Variants in PCCA observed in about 807,000 individuals in gnomAD.
PCCA encodes the protein propionyl-CoA carboxylase subunit alpha, also known as propionyl-CoA carboxylase alpha chain, mitochondrial.
PCCA carries 74 observed loss-of-function variants against 101.3 expected under a neutral mutation model. That is an observed-to-expected ratio of 0.73 (90% CI 0.61 to 0.89). The LOEUF (loss-of-function observed/expected upper bound fraction) is 0.89, where lower values mean the gene tolerates loss of function less well. Ranked by LOEUF, PCCA falls within the 40% of genes least tolerant of loss-of-function variation. The pLI, the probability that PCCA is intolerant of heterozygous loss-of-function variation, is 0.00. For synonymous variants in PCCA, 294 were observed against 313.6 expected, an observed-to-expected ratio of 0.94 and a Z score of 0.66; for missense variants, 891 against 907.0, an observed-to-expected ratio of 0.98 and a Z score of 0.23.
At chr13:100,271,596 A>G (rs1001171789) in intron 11 of PCCA, among the ~76,000 whole-genome samples, 2 of 152,230 alleles carry the variant, frequency 1.3e-5, no homozygotes, top group Non-Finnish European at 2.9e-5. Flanking sequence ...GAGTCTTAAG[A>G]TACAAAAGCC....
chr13:100,110,288 G>T (rs568646875), intron 2 of PCCA, among the ~76,000 whole-genome samples: 114 of 152,196 alleles, frequency 7.5e-4, no homozygotes, highest in African/African-American at 2.7e-3. Context: ...AGAAATTACC[G>T]TGTGCTAATG....
chr13:100,291,447 T>C (rs901095499), intron 12 of PCCA, among the ~76,000 whole-genome samples: 21 of 152,224 alleles, frequency 1.4e-4, no homozygotes, highest in African/African-American at 5.1e-4. Context: ...CACATGCACA[T>C]ATGTGCATTG....
intron 19 of PCCA, among the ~76,000 whole-genome samples, chr13:100,400,630 C>CTTTTTTTTTTTTTTTTTTTTTTTTTT (rs1281449669): frequency 1.1e-5 from 1 of 90,976 alleles, no homozygotes; most frequent in African/African-American, 5.4e-5. Flanking sequence ...CTTTTTAGTT[C>CTTTTTTTTTTTTTTTTTTTTTTTTTT]TTTTTTTTTT....
At chr13:100,514,351 A>G (rs1275509606) in intron 21 of PCCA, among the ~76,000 whole-genome samples, 1 of 152,154 alleles carries the variant, frequency 6.6e-6, no homozygotes, top group African/African-American at 2.4e-5. Context: ...GTCCCCATGC[A>G]GAATTAAAGG....
At chr13:100,320,616 C>G (rs1232949678) in intron 16 of PCCA, among the ~76,000 whole-genome samples, 1 of 152,078 alleles carries the variant, frequency 6.6e-6, no homozygotes, top group Non-Finnish European at 1.5e-5. Flanking sequence ...TGTTTATATG[C>G]TGGATTACAT....
chr13:100,207,680 T>G (rs139016003), intron 6 of PCCA, among the ~76,000 whole-genome samples: 1 of 152,012 alleles, frequency 6.6e-6, no homozygotes, highest in Non-Finnish European at 1.5e-5. Context: ...ACACCCGGAC[T>G]GCCATTCACA....
At chr13:100,429,670 G>T (rs910669555) in intron 20 of PCCA, among the ~76,000 whole-genome samples, 1 of 151,886 alleles carries the variant, frequency 6.6e-6, no homozygotes, top group Non-Finnish European at 1.5e-5. Context: ...GCAGTGGTAC[G>T]ATCTTGGCTC....
At position 100,101,023 on chromosome 13, in the gene PCCA, G is replaced by A. The variant is rs183257764; in HGVS notation, c.106-1860G>A. Among the ~76,000 whole-genome samples the A allele has an allele frequency of 2.2e-3, 336 of 152,092 alleles. 1 individual carries two copies. Among genetic ancestry groups the A allele is most frequent in the African/African-American group, 7.8e-3 (323 of 41,472 alleles). On this transcript the variant is annotated intron_variant, in intron 1 of 23. Coordinates refer to ENST00000376285, the MANE Select transcript of PCCA (RefSeq NM_000282.4). ...TCTCCATGTTGGTCAGGCTGGTCTC[G>A]AACTCCCAACCTCAAGTGATCTGCC... is the stretch of plus-strand genomic sequence containing the variant.
At chr13:100,518,715 C>T (rs1352067046) in intron 22 of PCCA, among the ~76,000 whole-genome samples, 2 of 152,108 alleles carry the variant, frequency 1.3e-5, no homozygotes, top group Non-Finnish European at 2.9e-5. Flanking sequence ...TAGGAAACAA[C>T]TGATAGAATA....
chr13:100,462,792 A>G (rs1300260468), intron 21 of PCCA, among the ~76,000 whole-genome samples: 1 of 152,222 alleles, frequency 6.6e-6, no homozygotes, highest in Non-Finnish European at 1.5e-5. Context: ...AATTCAAAGG[A>G]AACAAATATC....
chr13:100,133,571 T>A (rs1230885792), intron 4 of PCCA, among the ~76,000 whole-genome samples: 1 of 152,210 alleles, frequency 6.6e-6, no homozygotes, highest in Non-Finnish European at 1.5e-5. Flanking sequence ...AGATTTGCAG[T>A]CGGTTTTTTT....
At chr13:100,504,686 C>T (rs1242365190) in intron 21 of PCCA, among the ~76,000 whole-genome samples, 8 of 152,182 alleles carry the variant, frequency 5.3e-5, no homozygotes, top group Non-Finnish European at 4.4e-5. Flanking sequence ...CCTGTAATCC[C>T]AGCACTTTGG....
intron 8 of PCCA, chr13:100,236,470 T>G: frequency 6.5e-6 from 1 of 154,162 alleles, no homozygotes; most frequent in East Asian, 1.9e-4. Flanking sequence ...CTTTCCTTTT[T>G]TTTTTTTAAG....
intron 18 of PCCA, among the ~76,000 whole-genome samples, chr13:100,350,382 T>G (rs554112907): frequency 6.6e-6 from 1 of 152,336 alleles, no homozygotes; most frequent in African/African-American, 2.4e-5. Flanking sequence ...TACAAACGTA[T>G]GTATACACTC....
rs1191984178 is a variant in PCCA, at chr13:100,157,413, G to A, written c.468+73G>A. 6.0e-6 allele frequency: 6 copies of A among 992,062 alleles called. No individual in the cohort carries two copies. In the Admixed American group the frequency reaches 6.9e-5, roughly 11 times the overall value. 61.5% of individuals were successfully genotyped at this position (992,062 alleles called of 1,614,324 possible). A position where few individuals can be genotyped will look rare whatever the true frequency, so the allele number is the denominator to read the frequency against. Reference sequence around the variant, plus strand: ...AGTGTGGTAGCATGGCTTTGTAAATGTGGGTAGTGATGGATTATAGAATTT... The same window carrying A: ...AGTGTGGTAGCATGGCTTTGTAAATATGGGTAGTGATGGATTATAGAATTT... On this transcript the variant is annotated intron_variant, in intron 6 of 23. Transcript: ENST00000376285.
chr13:100,526,413 A>G (rs1407400903), intron 22 of PCCA, among the ~76,000 whole-genome samples: 5 of 152,320 alleles, frequency 3.3e-5, no homozygotes, highest in East Asian at 3.9e-4. Context: ...CTATATTTCT[A>G]TGCCAGGAAG....
intron 21 of PCCA, among the ~76,000 whole-genome samples, chr13:100,492,791 T>C (rs538444412): frequency 6.6e-6 from 1 of 151,610 alleles, no homozygotes; most frequent in East Asian, 2.0e-4. Flanking sequence ...AAGGTGCTTC[T>C]GAACATTGAG....
At chr13:100,501,850 G>T (rs2085697504) in intron 21 of PCCA, among the ~76,000 whole-genome samples, 1 of 143,648 alleles carries the variant, frequency 7.0e-6, no homozygotes, top group Non-Finnish European at 1.5e-5. Flanking sequence ...CTCCAGCCTG[G>T]GCAACAGAGG....
chr13:100,114,748 T>C (rs1265533157), intron 4 of PCCA, among the ~76,000 whole-genome samples: 1 of 152,176 alleles, frequency 6.6e-6, no homozygotes, highest in Non-Finnish European at 1.5e-5. Context: ...CTTACCCCGG[T>C]TAAAACGGCT....
Sources: gnomAD v4.1 joint callset for allele counts (sites outside exome capture counted in the v4.1 genomes callset) on GRCh38, gnomAD v4.1.1 for gene constraint, MANE v1.5 for transcripts, NCBI Gene and HGNC (gene_info 2026-07-23, HGNC 2026-07-21) for gene names.